RNF212B: variants seen among roughly 807,000 people sequenced by gnomAD.
RNF212B encodes ring finger protein 212B, also known as E3 ubiquitin-protein ligase RNF212B.
Under a neutral mutation model 55.5 loss-of-function variants are expected in RNF212B, and 52 were observed. The observed-to-expected ratio is 0.94, with a 90% CI of 0.75 to 1.18. The LOEUF (loss-of-function observed/expected upper bound fraction) is 1.18, where lower values mean the gene tolerates loss of function less well. Among genes scored for constraint, RNF212B ranks in the 50% most tolerant of loss-of-function variants. RNF212B has a pLI of 0.00. For synonymous variants in RNF212B, 99 were observed against 121.4 expected (o/e 0.82, Z 1.21); for missense variants, 289 against 350.4 (o/e 0.82, Z 1.40).
chr14:23,254,338 AAAAACT>A (rs138148364), intron 4 of RNF212B, among the ~76,000 whole-genome samples: 25,010 of 150,346 alleles, frequency 0.17, 2,529 homozygotes, highest in South Asian at 0.25. Context: ...AAACAAAAAC[AAAAACT>A]AAAACTAAAA....
chr14:23,228,661 C>CAAAAAAA (rs936312394), intron 2 of RNF212B, among the ~76,000 whole-genome samples: 3 of 149,808 alleles, frequency 2.0e-5, no homozygotes, highest in African/African-American at 7.5e-5. Context: ...AACAAAAAAA[C>CAAAAAAA]AAAACAAAAC....
chr14:23,264,531 T>C lies in RNF212B; in HGVS notation c.586-92T>C, dbSNP rs1885535592. ...ATGCCCACTGCAGTAGAACAATATA[T>C]GCTTGAATGTGTAGCTATAGATAAA... On this transcript the variant is annotated intron_variant, in intron 10 of 14. Transcript: ENST00000430154. The C allele has an allele frequency of 3.2e-6, 3 of 925,706 alleles. No homozygotes were observed. The South Asian group carries it at 7.9e-5, about 24-fold the overall frequency. 57.3% of individuals were successfully genotyped at this position (925,706 alleles called of 1,614,324 possible). A position where few individuals can be genotyped will look rare whatever the true frequency, so the allele number is the denominator to read the frequency against.
chr14:23,251,821 A>AAAAAAAAAAAG (rs1884428646), intron 4 of RNF212B, among the ~76,000 whole-genome samples: 3 of 151,916 alleles, frequency 2.0e-5, no homozygotes, highest in East Asian at 3.9e-4. Context: ...TCTCAAAAAA[A>AAAAAAAAAAAG]AAAAGAAAGA....
chr14:23,267,438 T>G (rs1392156440), intron 11 of RNF212B, among the ~76,000 whole-genome samples: 3 of 152,042 alleles, frequency 2.0e-5, no homozygotes, highest in African/African-American at 7.2e-5. Context: ...TGTAACAATT[T>G]TTTTTTTTTT....
chr14:23,270,445 G>T (rs1264065178), intron 13 of RNF212B, among the ~76,000 whole-genome samples, 155 bp from the exon 14 acceptor site: 1 of 152,204 alleles, frequency 6.6e-6, no homozygotes, highest in African/African-American at 2.4e-5. Context: ...CACAGGAAAA[G>T]AACAGACTTT....
intron 9 of RNF212B, 40 bp from the exon 10 acceptor site, chr14:23,264,134 G>T (rs1223238790): frequency 1.2e-5 from 17 of 1,473,534 alleles, no homozygotes; most frequent in African/African-American, 5.7e-5. Context: ...GTAAAACTAG[G>T]TTTTTTGCCT....
intron 2 of RNF212B, among the ~76,000 whole-genome samples, chr14:23,217,862 A>T (rs1881237822): frequency 6.6e-6 from 1 of 152,088 alleles, no homozygotes; most frequent in Admixed American, 6.6e-5. Context: ...CCATCCAGGG[A>T]GACATGACCT....
At chr14:23,272,749 A>G in intron 14 of RNF212B, 74 bp from the exon 15 acceptor site, 1 of 899,374 alleles carries the variant, frequency 1.1e-6, no homozygotes, top group Non-Finnish European at 1.8e-6. Flanking sequence ...GCTTCATACA[A>G]CAGGTCAGAG....
At chr14:23,200,911 A>G (rs930274763) in intron 2 of RNF212B, among the ~76,000 whole-genome samples, 2 of 152,254 alleles carry the variant, frequency 1.3e-5, no homozygotes, top group Non-Finnish European at 1.5e-5. Context: ...AACTAACTGT[A>G]TTGCCAAAAG....
chr14:23,249,634 G>A (rs1884257952), intron 4 of RNF212B, among the ~76,000 whole-genome samples: 1 of 152,162 alleles, frequency 6.6e-6, no homozygotes, highest in African/African-American at 2.4e-5. Flanking sequence ...TAGGACTTCT[G>A]AAACAGTGTA....
chr14:23,200,477 C>T (rs1879186204), intron 2 of RNF212B, among the ~76,000 whole-genome samples: 1 of 152,034 alleles, frequency 6.6e-6, no homozygotes, highest in South Asian at 2.1e-4. Flanking sequence ...AGGTGCGTGC[C>T]ACTGTGTCTG....
At chr14:23,200,293 T>C (rs1594865738) in intron 2 of RNF212B, among the ~76,000 whole-genome samples, 1 of 151,990 alleles carries the variant, frequency 6.6e-6, no homozygotes. Context: ...ATTTGTGCCA[T>C]CAAATACCTA....
At chr14:23,253,763 A>G (rs1014727976) in intron 4 of RNF212B, among the ~76,000 whole-genome samples, 1 of 152,206 alleles carries the variant, frequency 6.6e-6, no homozygotes, top group Non-Finnish European at 1.5e-5. Context: ...CCAGATATAT[A>G]GTTCAAAAAT....
intron 2 of RNF212B, 112 bp downstream of exon 2, chr14:23,240,557 GTGATAAAGATACTGTAGGAAA>G: frequency 1.6e-6 from 1 of 626,998 alleles, no homozygotes; most frequent in Admixed American, 3.1e-5. Context: ...TAGGTCAATG[GTGATAAAGATACTGTAGGAAA>G]CTGTCAATTT....
chr14:23,241,110 T>A (rs1883533991), intron 2 of RNF212B, among the ~76,000 whole-genome samples: 1 of 152,130 alleles, frequency 6.6e-6, no homozygotes. Flanking sequence ...GTAGGGTGTT[T>A]TGATCACGGA....
At chr14:23,247,203 T>A (rs188407757) in intron 4 of RNF212B, among the ~76,000 whole-genome samples, 1 of 151,824 alleles carries the variant, frequency 6.6e-6, no homozygotes, top group East Asian at 1.9e-4. Flanking sequence ...TTTTTTTAGG[T>A]CCACTAGTTT....
chr14:23,264,096 C>T, intron 9 of RNF212B, 78 bp from the exon 10 acceptor site: 3 of 1,275,448 alleles, frequency 2.4e-6, no homozygotes, highest in Non-Finnish European at 3.3e-6. Context: ...TGAAAAAAAC[C>T]AAAACAAAAA....
At chr14:23,212,192 C>T (rs1880588745) in intron 2 of RNF212B, among the ~76,000 whole-genome samples, 1 of 152,192 alleles carries the variant, frequency 6.6e-6, no homozygotes. Flanking sequence ...TGGTGAAATA[C>T]TGAATGCTTT....
intron 1 of RNF212B, among the ~76,000 whole-genome samples, chr14:23,192,827 C>T (rs1330656307): frequency 1.3e-5 from 2 of 152,080 alleles, no homozygotes; most frequent in African/African-American, 2.4e-5. Context: ...TGCGGTGGCT[C>T]ATGCCTGTAA....
Sources: gnomAD v4.1 joint callset for allele counts (sites outside exome capture counted in the v4.1 genomes callset) on GRCh38, gnomAD v4.1.1 for gene constraint, MANE v1.5 for transcripts, NCBI Gene and HGNC (gene_info 2026-07-23, HGNC 2026-07-21) for gene names.